Variants in MARCHF4 observed in about 807,000 individuals in gnomAD.
The protein encoded by MARCHF4 is membrane associated ring-CH-type finger 4, also known as E3 ubiquitin-protein ligase MARCHF4.
Under a neutral mutation model 43.9 loss-of-function variants are expected in MARCHF4, and 14 were observed. The ratio of observed to expected loss-of-function variants is 0.32; its 90% CI spans 0.21 to 0.50. The LOEUF is 0.50. MARCHF4 is among the 20% of genes least tolerant of loss of function. The pLI, the probability that MARCHF4 is intolerant of heterozygous loss-of-function variation, is 0.98. For missense variants in MARCHF4, 468 were observed against 536.7 expected, an observed-to-expected ratio of 0.87 and a Z score of 1.27; for synonymous variants, 226 against 213.3, an observed-to-expected ratio of 1.06 and a Z score of -0.52.
At chr2:216,325,109 C>T (rs1456356663) in intron 1 of MARCHF4, among the ~76,000 whole-genome samples, 1 of 152,214 alleles carries the variant, frequency 6.6e-6, no homozygotes, top group Non-Finnish European at 1.5e-5. Flanking sequence ...TAAGCAACCT[C>T]ATCAAAGTCT....
chr2:216,321,036 G>A (rs922925628), intron 1 of MARCHF4, among the ~76,000 whole-genome samples: 6 of 151,742 alleles, frequency 4.0e-5, no homozygotes, highest in African/African-American at 1.5e-4. Context: ...TAAGAGTGAA[G>A]AATAATGATG....
At chr2:216,340,552 G>T (rs756000915) in intron 1 of MARCHF4, among the ~76,000 whole-genome samples, 7 of 152,118 alleles carry the variant, frequency 4.6e-5, no homozygotes, top group Non-Finnish European at 8.8e-5. Flanking sequence ...TCTTCCTTTG[G>T]CCTTTGTCAG....
chr2:216,368,588 G>T (rs577245070), intron 1 of MARCHF4, among the ~76,000 whole-genome samples: 1 of 152,314 alleles, frequency 6.6e-6, no homozygotes, highest in Admixed American at 6.5e-5. Flanking sequence ...GCATCTTACA[G>T]AGCACACCCT....
At chr2:216,332,502 C>T (rs1461420305) in intron 1 of MARCHF4, among the ~76,000 whole-genome samples, 1 of 151,608 alleles carries the variant, frequency 6.6e-6, no homozygotes, top group African/African-American at 2.4e-5. Flanking sequence ...AATCACTGCT[C>T]TGTATACGTG....
At chr2:216,263,493 A>AAGAGAGAGAG (rs150783185) in intron 3 of MARCHF4, among the ~76,000 whole-genome samples, 2 of 58,986 alleles carry the variant, frequency 3.4e-5, no homozygotes, top group African/African-American at 7.8e-5. Flanking sequence ...AGGAGAGAGA[A>AAGAGAGAGAG]AGAGAGAGAG....
intron 1 of MARCHF4, among the ~76,000 whole-genome samples, chr2:216,293,042 G>A (rs919073541): frequency 1.3e-5 from 2 of 152,212 alleles, no homozygotes; most frequent in African/African-American, 4.8e-5. Context: ...GAGACAGGCC[G>A]ATTGGCAAGA....
intron 1 of MARCHF4, among the ~76,000 whole-genome samples, chr2:216,366,392 G>A (rs1692665699): frequency 1.3e-5 from 2 of 152,296 alleles, no homozygotes; most frequent in South Asian, 4.1e-4. Context: ...ACAGTCTCAT[G>A]GGCCCTGACC....
chr2:216,367,315 CCCT>C (rs1313868992), intron 1 of MARCHF4, among the ~76,000 whole-genome samples: 4 of 151,774 alleles, frequency 2.6e-5, no homozygotes, highest in African/African-American at 7.3e-5. Flanking sequence ...CTCTCCCCCT[CCCT>C]CCTCCTCCTC....
At chr2:216,349,062 G>C (rs927976889) in intron 1 of MARCHF4, among the ~76,000 whole-genome samples, 1 of 151,862 alleles carries the variant, frequency 6.6e-6, no homozygotes, top group African/African-American at 2.4e-5. Flanking sequence ...GGCTTGTCTG[G>C]TGTCTTTAGG....
Position 216,298,273 on chromosome 2 carries a change from T to G in MARCHF4, c.517-14544A>C, listed in dbSNP as rs1234229042. Among the ~76,000 whole-genome samples, 46 of 144,114 alleles carry G rather than the reference T, an allele frequency of 3.2e-4. 1 individual carries two copies. Among genetic ancestry groups the G allele is most frequent in the Admixed American group, 1.5e-3 (21 of 14,388 alleles). 94.5% of individuals were successfully genotyped at this position (144,114 alleles called of 152,430 possible). ...TCTTTTAGGTTTTTTTTTTTTTTTT[T>G]TTTTTTTTTTTTACAGGGTCTGACT... On this transcript the variant is annotated intron_variant, in intron 1 of 3. Coordinates refer to ENST00000273067, the MANE Select transcript of MARCHF4 (RefSeq NM_020814.3).
At chr2:216,274,180 G>A (rs978306451) in intron 3 of MARCHF4, among the ~76,000 whole-genome samples, 9 of 152,184 alleles carry the variant, frequency 5.9e-5, no homozygotes, top group African/African-American at 1.7e-4. Flanking sequence ...ATGGTTGTGG[G>A]TCTCATCTTC....
intron 1 of MARCHF4, among the ~76,000 whole-genome samples, chr2:216,315,086 T>C (rs1691753575): frequency 6.6e-6 from 1 of 152,138 alleles, no homozygotes; most frequent in Admixed American, 6.5e-5. Context: ...TACTTAAAAC[T>C]AAATATCAGA....
chr2:216,335,170 T>C (rs1330413441), intron 1 of MARCHF4, among the ~76,000 whole-genome samples: 1 of 152,230 alleles, frequency 6.6e-6, no homozygotes, highest in Non-Finnish European at 1.5e-5. Flanking sequence ...ACAGATTCGC[T>C]ATAAATATGA....
At chr2:216,336,769 C>CAAAAAAAAAAAAAA (rs1453857917) in intron 1 of MARCHF4, among the ~76,000 whole-genome samples, 1 of 66,866 alleles carries the variant, frequency 1.5e-5, no homozygotes, top group African/African-American at 5.4e-5. Flanking sequence ...AAAAAAAAAG[C>CAAAAAAAAAAAAAA]TTTCTGGAAA....
Position 216,315,882 on chromosome 2 carries a change from G to A in MARCHF4, c.517-32153C>T, listed in dbSNP as rs549973012. Among the ~76,000 whole-genome samples, 31 of 152,260 alleles carry A rather than the reference G, an allele frequency of 2.0e-4. No individual in the cohort carries two copies. In the Middle Eastern group the frequency reaches 0.01, roughly 50 times the overall value. On this transcript the variant is annotated intron_variant, in intron 1 of 3. Transcript: ENST00000273067. ...AAAGTGAGTCATCCCAGTCGCCTTA[G>A]GCCAGAAGGAACTGGAAGAGGATCC...
rs773695717 is a variant in MARCHF4 at position 216,348,032 on chromosome 2, CTTT to C, written c.516+21710_516+21712del. 2.8e-3 allele frequency among the ~76,000 whole-genome samples: 284 copies of C among 99,666 alleles called. 1 individual carries two copies. The highest frequency in any genetic ancestry group is 0.011 in the African/African-American group (272 of 25,796). The allele number at this position is 99,666 out of a possible 152,430, so 65.4% of individuals were successfully genotyped here. On this transcript the variant is annotated intron_variant, in intron 1 of 3. Coordinates refer to ENST00000273067, the MANE Select transcript of MARCHF4 (RefSeq NM_020814.3). ...TGCATTCTCAGGAGGTTAAGGCATT[CTTT>C]TTTTTTTTTTTTTTTTTTTTAGACA...
chr2:216,265,306 G>C (rs1423699899), intron 3 of MARCHF4, among the ~76,000 whole-genome samples: 1 of 152,162 alleles, frequency 6.6e-6, no homozygotes, highest in African/African-American at 2.4e-5. Context: ...ACCCTGGGCT[G>C]TATTTGTGGG....
chr2:216,326,703 T>A (rs1691998243), intron 1 of MARCHF4, among the ~76,000 whole-genome samples: 3 of 151,464 alleles, frequency 2.0e-5, no homozygotes, highest in Non-Finnish European at 4.4e-5. Flanking sequence ...CAGTAAACTA[T>A]CGCAAGAACA....
chr2:216,366,007 CA>C (rs1237503539), intron 1 of MARCHF4, among the ~76,000 whole-genome samples: 2 of 152,214 alleles, frequency 1.3e-5, no homozygotes, highest in African/African-American at 4.8e-5. Flanking sequence ...ATCCATGCCA[CA>C]ATCATAGTGG....
Sources: gnomAD v4.1 joint callset for allele counts (sites outside exome capture counted in the v4.1 genomes callset) on GRCh38, gnomAD v4.1.1 for gene constraint, MANE v1.5 for transcripts, NCBI Gene and HGNC (gene_info 2026-07-23, HGNC 2026-07-21) for gene names.